ZC2HC1B: variants seen among roughly 807,000 people sequenced by gnomAD.
ZC2HC1B encodes the protein zinc finger C2HC domain-containing protein 1B.
Under a neutral mutation model 31.0 loss-of-function variants are expected in ZC2HC1B, and 36 were observed. The ratio of observed to expected loss-of-function variants is 1.16; its 90% CI spans 0.89 to 1.54. The LOEUF (loss-of-function observed/expected upper bound fraction) is 1.54. ZC2HC1B is among the 40% of genes most tolerant of loss of function. The pLI, the probability that ZC2HC1B is intolerant of heterozygous loss-of-function variation, is 0.00. For missense variants in ZC2HC1B, 260 were observed against 268.6 expected, an observed-to-expected ratio of 0.97 and a Z score of 0.22; for synonymous variants, 73 against 88.0, an observed-to-expected ratio of 0.83 and a Z score of 0.95.
Position 143,898,613 on chromosome 6 carries a change from T to A in ZC2HC1B, c.411T>A (p.Thr137=), listed in dbSNP as rs1336379577. ...RFNESAAERH[T]NFCKDQSSRR... is the part of the protein sequence containing the mutation. ...ATGAAAGCGCAGCTGAGCGACATAC[T>A]AATTTCTGCAAGGATCAGTCTTCTC... Residue 137 remains threonine, a synonymous_variant, in exon 5 of 8, where the codon ACT becomes ACA. Transcript: ENST00000237275. 3 of 1,551,808 alleles carry A rather than the reference T, an allele frequency of 1.9e-6. No individual in the cohort carries two copies. The highest frequency in any genetic ancestry group is 3.9e-5 in the Admixed American group (2 of 50,992).
rs923823588 is a variant in ZC2HC1B, at chr6:143,869,929, G to A, written c.28+5362G>A. On this transcript the variant is annotated intron_variant, in intron 1 of 7. Coordinates refer to ENST00000237275, the MANE Select transcript of ZC2HC1B (RefSeq NM_001013623.3). This position sits in a 1 kb window ranked among gnomAD's most constrained non-coding sequence, Gnocchi z 5.2. ...AGAGGCTGAGTGGTGTCCACAGAAC[G>A]GGTCATCCTATCCACTTGATTATTA... 3.9e-5 allele frequency among the ~76,000 whole-genome samples: 6 copies of A among 152,150 alleles called. No homozygotes were observed. Among genetic ancestry groups the A allele is most frequent in the African/African-American group, 9.7e-5 (4 of 41,434 alleles).
chr6:143,915,868 G>C lies in ZC2HC1B; in HGVS notation c.598+12716G>C, dbSNP rs565615864. 7.9e-5 allele frequency among the ~76,000 whole-genome samples: 12 copies of C among 152,278 alleles called. No individual in the cohort carries two copies. Among genetic ancestry groups the C allele is most frequent in the Non-Finnish European group, 1.6e-4 (11 of 68,014 alleles). ...GGCATTCAGTTTTAAAAGGGAAACTGAGCATAAAAGTTTGGAAAAGTTGCA... is the reference window on the plus strand; with the variant it reads ...GGCATTCAGTTTTAAAAGGGAAACTCAGCATAAAAGTTTGGAAAAGTTGCA... On this transcript the variant is annotated intron_variant, in intron 6 of 7. Coordinates refer to ENST00000237275, the MANE Select transcript of ZC2HC1B (RefSeq NM_001013623.3). This position sits in a 1 kb window ranked among gnomAD's most constrained non-coding sequence, Gnocchi z 5.2.
chr6:143,865,385 C>A lies in ZC2HC1B; in HGVS notation c.28+818C>A, dbSNP rs77999615. Among the ~76,000 whole-genome samples, 3,054 of 152,250 alleles carry A rather than the reference C, an allele frequency of 0.02. 126 individuals carry two copies. The highest frequency in any genetic ancestry group is 0.071 in the African/African-American group (2,944 of 41,528). On this transcript the variant is annotated intron_variant, in intron 1 of 7. Coordinates refer to ENST00000237275, the MANE Select transcript of ZC2HC1B (RefSeq NM_001013623.3). This position sits in a 1 kb window ranked among gnomAD's most constrained non-coding sequence, Gnocchi z 4.4. ...AGAATCTTGGTACTTGCTGTTCCCC[C>A]AGAAGTGCTTTCACTGCAGACAGAC...
At chr6:143,932,599 C>T (rs1156948640) in intron 6 of ZC2HC1B, among the ~76,000 whole-genome samples, 1 of 152,058 alleles carries the variant, frequency 6.6e-6, no homozygotes, top group Non-Finnish European at 1.5e-5. Flanking sequence ...TGGCTTTTAC[C>T]TTTCTCTGGT....
At chr6:143,896,379 A>G (rs992154140) in intron 4 of ZC2HC1B, among the ~76,000 whole-genome samples, 1 of 152,224 alleles carries the variant, frequency 6.6e-6, no homozygotes, top group Non-Finnish European at 1.5e-5. Context: ...TTATGGTTGC[A>G]GCATTTCTTA....
rs1343417778 is a variant in ZC2HC1B, at chr6:143,903,022, C to CTT, written c.490-21_490-20insTT. 6 of 1,550,248 alleles carry CTT rather than the reference C, an allele frequency of 3.9e-6. No homozygotes were observed. Among genetic ancestry groups the CTT allele is most frequent in the Non-Finnish European group, 5.2e-6 (6 of 1,145,832 alleles). ...TACATACAGAAGGTGTTCTCTTTGT[C>CTT]TCTTTCTTTCTCTCTCTGTAGGGTA... On this transcript the variant is annotated intron_variant, in intron 5 of 7. Coordinates refer to ENST00000237275, the MANE Select transcript of ZC2HC1B (RefSeq NM_001013623.3). The surrounding 1 kb of genome is among the most constrained non-coding windows in gnomAD (Gnocchi z 4.3).
At chr6:143,936,453 C>A (rs1274212813) in intron 6 of ZC2HC1B, among the ~76,000 whole-genome samples, 1 of 152,174 alleles carries the variant, frequency 6.6e-6, no homozygotes, top group Non-Finnish European at 1.5e-5. Flanking sequence ...GCTATTGATA[C>A]ATATTTGGAA....
rs1777542084 is a variant in ZC2HC1B, at chr6:143,887,336, T to A, written c.349+515T>A. ...ACTGAAATTTGGCAATTGTTGACGC[T>A]GTTGCCATAATTTCTCCTTTATCTT... is the stretch of plus-strand genomic sequence containing the variant. On this transcript the variant is annotated intron_variant, in intron 4 of 7. Coordinates refer to ENST00000237275, the MANE Select transcript of ZC2HC1B (RefSeq NM_001013623.3). The surrounding 1 kb of genome is among the most constrained non-coding windows in gnomAD (Gnocchi z 5.1). Among the ~76,000 whole-genome samples the A allele has an allele frequency of 6.6e-6, 1 of 152,236 alleles. No individual in the cohort carries two copies. Among genetic ancestry groups the A allele is most frequent in the Non-Finnish European group, 1.5e-5 (1 of 68,036 alleles).
chr6:143,929,732 G>A (rs1261124528), intron 6 of ZC2HC1B, among the ~76,000 whole-genome samples: 1 of 151,980 alleles, frequency 6.6e-6, no homozygotes, highest in South Asian at 2.1e-4. Flanking sequence ...TGTTATTTGG[G>A]GGAGATATTT....
At chr6:143,879,824 A>ATTTTTTTTT (rs557859315) in intron 1 of ZC2HC1B, among the ~76,000 whole-genome samples, 7 of 53,682 alleles carry the variant, frequency 1.3e-4, no homozygotes, top group Non-Finnish European at 1.6e-4. Flanking sequence ...GTTGTCCCTG[A>ATTTTTTTTT]TTTTTTTTTT....
At chr6:143,920,629 G>A (rs994356137) in intron 6 of ZC2HC1B, among the ~76,000 whole-genome samples, 8 of 152,052 alleles carry the variant, frequency 5.3e-5, no homozygotes, top group Non-Finnish European at 8.8e-5. Flanking sequence ...TGGTTGACAC[G>A]GCTGGGCGTG....
intron 6 of ZC2HC1B, among the ~76,000 whole-genome samples, chr6:143,919,960 G>GA (rs2128496817): frequency 6.6e-6 from 1 of 151,806 alleles, no homozygotes; most frequent in Admixed American, 6.6e-5. Context: ...TTCCTCATTT[G>GA]GGAAAAACTT....
chr6:143,913,126 G>A lies in ZC2HC1B; in HGVS notation c.598+9974G>A, dbSNP rs1192588773. On this transcript the variant is annotated intron_variant, in intron 6 of 7. Coordinates refer to ENST00000237275, the MANE Select transcript of ZC2HC1B (RefSeq NM_001013623.3). This position sits in a 1 kb window ranked among gnomAD's most constrained non-coding sequence, Gnocchi z 5.7. ...GCTAAGTCATCCAACCAACCCAGGT[G>A]ACAGCCCTCCCCTCCTCTGGGCACT... Among the ~76,000 whole-genome samples the A allele has an allele frequency of 6.6e-6, 1 of 152,230 alleles. No homozygotes were observed. Among genetic ancestry groups the A allele is most frequent in the Non-Finnish European group, 1.5e-5 (1 of 68,040 alleles).
At chr6:143,930,550 G>T (rs927355558) in intron 6 of ZC2HC1B, among the ~76,000 whole-genome samples, 1 of 151,796 alleles carries the variant, frequency 6.6e-6, no homozygotes, top group African/African-American at 2.4e-5. Context: ...ACCACGCCCG[G>T]CTAATTTTTT....
chr6:143,935,440 G>A (rs1778165135), intron 6 of ZC2HC1B, among the ~76,000 whole-genome samples: 3 of 152,128 alleles, frequency 2.0e-5, no homozygotes, highest in Admixed American at 1.3e-4. Context: ...AGCAGGGTGG[G>A]TGGCCCTGTC....
chr6:143,925,805 G>A (rs1055505781), intron 6 of ZC2HC1B, among the ~76,000 whole-genome samples: 2 of 152,072 alleles, frequency 1.3e-5, no homozygotes, highest in African/African-American at 4.8e-5. Context: ...AAAGTGCTGG[G>A]ATTACAGGCA....
rs1249536874 is a variant in ZC2HC1B, at chr6:143,911,087, A to T, written c.598+7935A>T. Among the ~76,000 whole-genome samples the T allele has an allele frequency of 6.6e-6, 1 of 152,182 alleles. No homozygotes were observed. The highest frequency in any genetic ancestry group is 1.5e-5 in the Non-Finnish European group (1 of 68,020). ...TTTAAAGCCTGTTTTGTCAGAAACT[A>T]GGATTGCAACCCCTGCTTTTTTCAA... On this transcript the variant is annotated intron_variant, in intron 6 of 7. Coordinates refer to ENST00000237275, the MANE Select transcript of ZC2HC1B (RefSeq NM_001013623.3). This position sits in a 1 kb window ranked among gnomAD's most constrained non-coding sequence, Gnocchi z 4.5.
rs1224436048 is a variant in ZC2HC1B at position 143,884,022 on chromosome 6, A to T, written c.29-282A>T. Among the ~76,000 whole-genome samples, 6 of 152,210 alleles carry T rather than the reference A, an allele frequency of 3.9e-5. No individual in the cohort carries two copies. Among genetic ancestry groups the T allele is most frequent in the African/African-American group, 1.4e-4 (6 of 41,444 alleles). Reference sequence around the variant, plus strand: ...TATGTCTCAAGCAAAGTTATCAGGCACTTCATGTAAGAATATATTAAATAT... The same window carrying T: ...TATGTCTCAAGCAAAGTTATCAGGCTCTTCATGTAAGAATATATTAAATAT... On this transcript the variant is annotated intron_variant, in intron 1 of 7. Transcript: ENST00000237275. This position sits in a 1 kb window ranked among gnomAD's most constrained non-coding sequence, Gnocchi z 5.1.
chr6:143,935,485 G>T (rs1370737688), intron 6 of ZC2HC1B, among the ~76,000 whole-genome samples: 1 of 151,938 alleles, frequency 6.6e-6, no homozygotes, highest in African/African-American at 2.4e-5. Flanking sequence ...GGGTTTCTGT[G>T]GCAGGGGTCA....
Sources: gnomAD v4.1 joint callset for allele counts (sites outside exome capture counted in the v4.1 genomes callset) on GRCh38, gnomAD v4.1.1 for gene constraint, Gnocchi (gnomAD v3.1) non-coding constraint, MANE v1.5 for transcripts, NCBI Gene and HGNC (gene_info 2026-07-23, HGNC 2026-07-21) for gene names.